The following CTDP1 variants were observed in gnomAD, a reference collection of about 807,000 sequenced individuals.
CTDP1 encodes CTD phosphatase 1.
CTDP1 carries 47 observed loss-of-function variants against 91.8 expected under a neutral mutation model. That is an observed-to-expected ratio of 0.51 (90% confidence interval 0.41 to 0.65). CTDP1 has a LOEUF of 0.65. CTDP1 is among the 30% of genes least tolerant of loss of function. CTDP1 has a pLI of 0.00. For missense variants in CTDP1, 1,272 were observed against 1,373.7 expected, an observed-to-expected ratio of 0.93 and a Z score of 1.17; for synonymous variants, 656 against 598.5, an observed-to-expected ratio of 1.10 and a Z score of -1.40.
intron 4 of CTDP1, among the ~76,000 whole-genome samples, chr18:79,700,203 A>T (rs545235396): frequency 6.6e-6 from 1 of 152,194 alleles, no homozygotes; most frequent in Non-Finnish European, 1.5e-5. Context: ...TGAGTGTTCA[A>T]GTGGGAGGAA....
chr18:79,713,621 A>T lies in CTDP1; in HGVS notation c.1030+483A>T, dbSNP rs1366091717. 1.3e-5 allele frequency among the ~76,000 whole-genome samples: 2 copies of T among 152,354 alleles called. No homozygotes were observed. Among genetic ancestry groups the T allele is most frequent in the East Asian group, 3.9e-4 (2 of 5,186 alleles). On this transcript the variant is annotated intron_variant, in intron 7 of 12. Transcript: ENST00000613122. This position sits in a 1 kb window ranked among gnomAD's most constrained non-coding sequence, Gnocchi z 4.7. The stretch of plus-strand genomic sequence containing the variant: ...AGCTGACGTCCACCCTACGAAAGTT[A>T]AGTGTTTTTTGATCTTTAGTTTTTT...
At chr18:79,730,357 G>A (rs988914499) in intron 11 of CTDP1, among the ~76,000 whole-genome samples, 1 of 152,226 alleles carries the variant, frequency 6.6e-6, no homozygotes, top group African/African-American at 2.4e-5. Context: ...CTGCCTGGAA[G>A]CTGCTGACAC....
At chr18:79,746,175 CGTTCTGTCCCCGCGTCCCTCCCGTGCGG>C (rs2086873617) in intron 12 of CTDP1, among the ~76,000 whole-genome samples, 13 of 11,422 alleles carry the variant, frequency 1.1e-3, no homozygotes, top group Non-Finnish European at 1.6e-3. Context: ...CTCCCGTGCG[CGTTCTGTCCCCGCGTCCCTCCCGTGCGG>C]GTTCTGTCCC....
chr18:79,743,013 G>T (rs1178935222), intron 12 of CTDP1, among the ~76,000 whole-genome samples: 5 of 152,196 alleles, frequency 3.3e-5, no homozygotes, highest in African/African-American at 7.2e-5. Flanking sequence ...ATACCATGTG[G>T]AGATGTAACA....
intron 4 of CTDP1, among the ~76,000 whole-genome samples, chr18:79,701,592 G>A (rs1025607363): frequency 2.6e-5 from 4 of 152,048 alleles, no homozygotes; most frequent in African/African-American, 9.6e-5. Context: ...ATCTCCTAAG[G>A]CTGGAGCTGC....
chr18:79,676,922 A>G (rs2085263642), upstream of CTDP1, among the ~76,000 whole-genome samples: 1 of 152,220 alleles, frequency 6.6e-6, no homozygotes, highest in African/African-American at 2.4e-5. Flanking sequence ...CATTGGCTGT[A>G]TAGCATCTCT....
At chr18:79,726,833 GA>G (rs1331167171) in intron 10 of CTDP1, among the ~76,000 whole-genome samples, 1,396 of 96,712 alleles carry the variant, frequency 0.014, 64 homozygotes, top group African/African-American at 0.029. Context: ...GGCTGTGGGG[GA>G]TGGGGGTGAC....
At chr18:79,745,246 A>ATGTGCGTTCTGTCCCTGCGTCCCTCCCG (rs2086856889) in intron 12 of CTDP1, among the ~76,000 whole-genome samples, 2 of 99,050 alleles carry the variant, frequency 2.0e-5, no homozygotes, top group Non-Finnish European at 4.3e-5. Context: ...CGTCCCTCCC[A>ATGTGCGTTCTGTCCCTGCGTCCCTCCCG]TGCGCGTTCT....
At chr18:79,722,026 G>T (rs1194004065) in intron 10 of CTDP1, among the ~76,000 whole-genome samples, 1 of 152,100 alleles carries the variant, frequency 6.6e-6, no homozygotes, top group East Asian at 1.9e-4. Flanking sequence ...GTTTCATCAT[G>T]TTGCTGAGGT....
rs1568213338 is a variant in CTDP1 at position 79,736,511 on chromosome 18, CG to C, written c.2742del (p.Arg916GlufsTer7). ...ASSERSAAGG[R>X]GPRGHKRKLN... Reference sequence around the variant, plus strand: ...CAGCGAGAGGAGCGCGGCAGGGGGCCGGGGGCCCAGGTGAGTGCGGGGTCTG... The same window carrying C: ...CAGCGAGAGGAGCGCGGCAGGGGGCCGGGGCCCAGGTGAGTGCGGGGTCTG... On this transcript the variant is annotated frameshift_variant, in exon 12 of 13. Coordinates refer to ENST00000613122, the MANE Select transcript of CTDP1 (RefSeq NM_004715.5). LOFTEE classifies it high-confidence loss of function. 6.5e-7 allele frequency: 1 copy of C among 1,544,532 alleles called. No individual in the cohort carries two copies.
intron 12 of CTDP1, among the ~76,000 whole-genome samples, chr18:79,742,601 A>G (rs927225110): frequency 1.3e-5 from 2 of 152,272 alleles, no homozygotes; most frequent in African/African-American, 2.4e-5. Context: ...TCTGTAAGGT[A>G]GCGTGTTGCT....
intron 1 of CTDP1, among the ~76,000 whole-genome samples, chr18:79,688,220 G>A (rs528201824): frequency 7.9e-5 from 12 of 152,316 alleles, no homozygotes; most frequent in African/African-American, 2.6e-4. Context: ...TCCCACCCCT[G>A]TGGCTGCACA....
Position 79,719,918 on chromosome 18 carries a change from G to C in CTDP1, c.2417+1902G>C, listed in dbSNP as rs182284077. Among the ~76,000 whole-genome samples, 46 of 145,944 alleles carry C rather than the reference G, an allele frequency of 3.2e-4. 1 individual carries two copies. The East Asian group carries it at 7.6e-3, about 24-fold the overall frequency. On this transcript the variant is annotated intron_variant, in intron 10 of 12. Transcript: ENST00000613122. ...ATGATGTCACCTCCCATCGTGTCCT[G>C]GTGATGATGTCACCTCCCATCATTA... is the stretch of plus-strand genomic sequence containing the variant.
intron 12 of CTDP1, among the ~76,000 whole-genome samples, chr18:79,748,417 G>C (rs1229334286): frequency 2.0e-5 from 3 of 152,220 alleles, no homozygotes; most frequent in African/African-American, 7.2e-5. Context: ...CCCCAGCCCG[G>C]GCTCTGTGAC....
rs538965270 is a variant in CTDP1, at chr18:79,687,900, C to T, written c.315-7325C>T. 5.3e-5 allele frequency among the ~76,000 whole-genome samples: 8 copies of T among 152,280 alleles called. No individual in the cohort carries two copies. In the South Asian group the frequency reaches 8.3e-4, roughly 16 times the overall value. On this transcript the variant is annotated intron_variant, in intron 1 of 12. Transcript: ENST00000613122. ...GAATGGTGTGGTGCACGTGGTGCCA[C>T]GTGGTTTTGAGACGTGCTGGGAACT...
At chr18:79,710,504 G>C (rs1435148977) in intron 6 of CTDP1, 68 bp downstream of exon 6, 17 of 1,189,382 alleles carry the variant, frequency 1.4e-5, no homozygotes, top group Non-Finnish European at 2.0e-5. Flanking sequence ...ATCGCATCTT[G>C]AAATTTAGAG....
At chr18:79,717,460 G>A in intron 8 of CTDP1, 75 bp from the exon 9 acceptor site, 1 of 1,597,144 alleles carries the variant, frequency 6.3e-7, no homozygotes, top group Non-Finnish European at 8.5e-7. Flanking sequence ...GAGGGCCCTG[G>A]TGGGTGCAGC....
At chr18:79,695,653 T>TA (rs1463442237) in intron 2 of CTDP1, among the ~76,000 whole-genome samples, 1 of 152,204 alleles carries the variant, frequency 6.6e-6, no homozygotes, top group Non-Finnish European at 1.5e-5. Flanking sequence ...GCTTTACCTC[T>TA]AATGCCAAGT....
In CTDP1 at chr18:79,679,844, G is replaced by C; in HGVS notation, c.-104G>C. The C allele has an allele frequency of 9.0e-7, 1 of 1,114,020 alleles. No homozygotes were observed. The highest frequency in any genetic ancestry group is 1.2e-6 in the Non-Finnish European group (1 of 831,710). The allele number at this position is 1,114,020 out of a possible 1,614,324, so 69.0% of individuals were successfully genotyped here. A position where few individuals can be genotyped will look rare whatever the true frequency, so the allele number is the denominator to read the frequency against. On this transcript the variant is annotated 5_prime_UTR_variant, in exon 1 of 13. Coordinates refer to ENST00000613122, the MANE Select transcript of CTDP1 (RefSeq NM_004715.5). Reference sequence around the variant, plus strand: ...GGCGACGGGTGGAAGCCGGTACCGAGAGGAACTACAGCGTCGCCGCCTGGG... The same window carrying C: ...GGCGACGGGTGGAAGCCGGTACCGACAGGAACTACAGCGTCGCCGCCTGGG...
Sources: allele counts gnomAD v4.1 joint callset (sites outside exome capture counted in the v4.1 genomes callset), GRCh38; gene constraint gnomAD v4.1.1; non-coding constraint Gnocchi (gnomAD v3.1); transcripts MANE v1.5; gene names NCBI Gene and HGNC (gene_info 2026-07-23, HGNC 2026-07-21).